Variants in ELF2 observed in about 807,000 individuals in gnomAD.
ELF2 encodes ETS-related transcription factor Elf-2.
A neutral mutation model predicts 54.8 loss-of-function variants in ELF2; 11 were observed. The ratio of observed to expected loss-of-function variants is 0.20; its 90% confidence interval spans 0.13 to 0.33. The LOEUF is 0.33. Ranked by LOEUF, ELF2 falls within the 10% of genes least tolerant of loss-of-function variation. The pLI is 1.00. For synonymous variants in ELF2, 203 were observed against 245.1 expected (o/e 0.83, Z 1.61); for missense variants, 513 against 703.0 (o/e 0.73, Z 3.06).
intron 4 of ELF2, among the ~76,000 whole-genome samples, chr4:139,110,058 C>T (rs72949629): frequency 0.015 from 2,256 of 152,168 alleles, 64 homozygotes; most frequent in African/African-American, 0.052. Context: ...TGAAAAAGAA[C>T]GCTATTTTTT....
At chr4:139,170,407 G>A (rs563605141) in intron 1 of ELF2, among the ~76,000 whole-genome samples, 1 of 151,486 alleles carries the variant, frequency 6.6e-6, no homozygotes, top group Non-Finnish European at 1.5e-5. Flanking sequence ...GGGGCTACAG[G>A]TGCACACCAC....
At chr4:139,137,526 T>C (rs1333819490) in intron 3 of ELF2, 104 bp downstream of exon 3, 2 of 1,143,072 alleles carry the variant, frequency 1.7e-6, no homozygotes, top group African/African-American at 3.1e-5. Context: ...AATTTCATGC[T>C]TTGTACATTT....
intron 3 of ELF2, among the ~76,000 whole-genome samples, chr4:139,130,144 T>G (rs1737346485): frequency 6.6e-6 from 1 of 151,668 alleles, no homozygotes; most frequent in Non-Finnish European, 1.5e-5. Context: ...GAGAACACCA[T>G]CTACAAGCCA....
At chr4:139,092,437 A>ATAACG (rs1732760561) in intron 4 of ELF2, among the ~76,000 whole-genome samples, 1 of 149,636 alleles carries the variant, frequency 6.7e-6, no homozygotes, top group Non-Finnish European at 1.5e-5. Flanking sequence ...ATAACATAAC[A>ATAACG]TAACATAACA....
intron 4 of ELF2, among the ~76,000 whole-genome samples, chr4:139,088,557 A>T (rs1293692481): frequency 1.3e-5 from 2 of 152,062 alleles, no homozygotes; most frequent in East Asian, 1.9e-4. Flanking sequence ...TTTGATTTTC[A>T]TGATAGTAAA....
intron 4 of ELF2, among the ~76,000 whole-genome samples, chr4:139,074,621 G>T (rs1008189783): frequency 6.6e-6 from 1 of 151,834 alleles, no homozygotes; most frequent in East Asian, 1.9e-4. Context: ...TTAGCCGGGC[G>T]TGGTGGCGGG....
At chr4:139,072,227 G>A (rs1267134152) in intron 5 of ELF2, 188 bp from the exon 6 acceptor site, 4 of 555,492 alleles carry the variant, frequency 7.2e-6, no homozygotes, top group Non-Finnish European at 1.2e-5. Context: ...ATAAATGCAT[G>A]GAAAATCAAC....
At chr4:139,076,051 G>GA (rs902145164) in intron 4 of ELF2, among the ~76,000 whole-genome samples, 2 of 152,094 alleles carry the variant, frequency 1.3e-5, no homozygotes, top group African/African-American at 4.8e-5. Context: ...TTAATTGGGG[G>GA]AAAAAATCCA....
intron 6 of ELF2, among the ~76,000 whole-genome samples, chr4:139,070,477 G>A (rs906170785): frequency 6.6e-5 from 10 of 151,792 alleles, no homozygotes; most frequent in Admixed American, 6.6e-4. Context: ...TTTTAGTAGA[G>A]ACAGGGTTTC....
intron 4 of ELF2, among the ~76,000 whole-genome samples, chr4:139,109,715 AC>A (rs1210712828): frequency 6.6e-6 from 1 of 152,264 alleles, no homozygotes; most frequent in African/African-American, 2.4e-5. Context: ...CCGGAGGCTA[AC>A]GCACAGACAA....
intron 1 of ELF2, among the ~76,000 whole-genome samples, chr4:139,175,539 G>C (rs1742816351): frequency 6.6e-6 from 1 of 152,124 alleles, no homozygotes; most frequent in Non-Finnish European, 1.5e-5. Context: ...ATGGTTTCCA[G>C]TCCTATATAA....
intron 3 of ELF2, among the ~76,000 whole-genome samples, chr4:139,127,060 G>T (rs1255381716): frequency 6.6e-6 from 1 of 152,126 alleles, no homozygotes; most frequent in Admixed American, 6.6e-5. Flanking sequence ...TTGTTCCTAA[G>T]GACAGAATGT....
intron 3 of ELF2, among the ~76,000 whole-genome samples, chr4:139,134,527 T>TTATTG (rs542901294): frequency 3.4e-3 from 513 of 150,982 alleles, no homozygotes; most frequent in African/African-American, 4.1e-3. Context: ...TGGCTAGTAT[T>TTATTG]TATTGTATTG....
chr4:139,084,286 C>T lies in ELF2; in HGVS notation c.239-10719G>A. On this transcript the variant is annotated intron_variant, in intron 4 of 9. Coordinates refer to ENST00000686138, the MANE Select transcript of ELF2 (RefSeq NM_001331036.3). ...CGGAACCCGCGGCCGGAGACACACG[C>T]CGTGCGACCGACACACACTCACGCA... The T allele has an allele frequency of 3.1e-6, 5 of 1,600,992 alleles. No homozygotes were observed. In the South Asian group the frequency reaches 5.5e-5, roughly 18 times the overall value.
At chr4:139,091,181 C>T (rs777311061) in intron 4 of ELF2, among the ~76,000 whole-genome samples, 2 of 152,160 alleles carry the variant, frequency 1.3e-5, no homozygotes, top group African/African-American at 2.4e-5. Flanking sequence ...CCGCCTGGCT[C>T]GGCCTCCCAA....
chr4:139,089,047 G>C (rs761307963), intron 4 of ELF2, among the ~76,000 whole-genome samples: 1 of 152,224 alleles, frequency 6.6e-6, no homozygotes, highest in African/African-American at 2.4e-5. Flanking sequence ...GTGAGCCGCC[G>C]TGCCTGGCCA....
rs70940488 is a variant in ELF2, at chr4:139,092,414, T to TAACATAACATAACAA, written c.239-18848_239-18847insTTGTTATGTTATGTT. Among the ~76,000 whole-genome samples, 167 of 87,816 alleles carry TAACATAACATAACAA rather than the reference T, an allele frequency of 1.9e-3. 5 individuals are homozygous for TAACATAACATAACAA. The highest frequency in any genetic ancestry group is 3.4e-3 in the Admixed American group (27 of 7,868). The allele number at this position is 87,816 out of a possible 152,430, so 57.6% of individuals were successfully genotyped here. On this transcript the variant is annotated intron_variant, in intron 4 of 9. Coordinates refer to ENST00000686138, the MANE Select transcript of ELF2 (RefSeq NM_001331036.3). The stretch of plus-strand genomic sequence containing the variant: ...TAACATAACATAACATAACATAACA[T>TAACATAACATAACAA]ACATAACATAACATAACATAACATA...
At chr4:139,151,814 T>C (rs1430218065) in intron 1 of ELF2, among the ~76,000 whole-genome samples, 1 of 152,230 alleles carries the variant, frequency 6.6e-6, no homozygotes, top group Admixed American at 6.5e-5. Context: ...GAAAATTAAA[T>C]ACTATTTACT....
At chr4:139,146,527 C>T (rs1383279352) in intron 1 of ELF2, among the ~76,000 whole-genome samples, 1 of 152,006 alleles carries the variant, frequency 6.6e-6, no homozygotes, top group African/African-American at 2.4e-5. Flanking sequence ...GAAAGAAAAT[C>T]CTAAAATTCC....
Sources: allele counts gnomAD v4.1 joint callset (sites outside exome capture counted in the v4.1 genomes callset), GRCh38; gene constraint gnomAD v4.1.1; transcripts MANE v1.5; gene names NCBI Gene and HGNC (gene_info 2026-07-23, HGNC 2026-07-21).